UBE2T: variants seen among roughly 807,000 people sequenced by gnomAD.
UBE2T encodes ubiquitin conjugating enzyme E2 T.
Under a neutral mutation model 23.3 loss-of-function variants are expected in UBE2T, and 15 were observed. The ratio of observed to expected loss-of-function variants is 0.64; its 90% CI spans 0.43 to 0.99. The LOEUF is 0.99. UBE2T is among the 50% of genes least tolerant of loss of function. The probability of loss-of-function intolerance (pLI) is 0.00; values close to 1 mark genes in which losing one functional copy is unlikely to be tolerated. For synonymous variants in UBE2T, 67 were observed against 78.4 expected (o/e 0.85, Z 0.77); for missense variants, 197 against 234.9 (o/e 0.84, Z 1.05).
intron 3 of UBE2T, 34 bp downstream of exon 3, chr1:202,334,955 C>T (rs1417250098): frequency 1.3e-6 from 2 of 1,592,000 alleles, no homozygotes; most frequent in Non-Finnish European, 1.7e-6. Context: ...AAATGCACTT[C>T]ACCATGTAGG....
chr1:202,333,169 C>T (rs1435481458), intron 5 of UBE2T, 68 bp downstream of exon 5: 3 of 1,604,712 alleles, frequency 1.9e-6, no homozygotes, highest in African/African-American at 2.7e-5. Context: ...CAGCTATCCT[C>T]ACACAGGGAG....
At position 202,335,912 on chromosome 1, in the gene UBE2T, A is replaced by G. The variant is rs1654872403; in HGVS notation, c.-64-94T>C. On this transcript the variant is annotated intron_variant, in intron 1 of 6. Transcript: ENST00000646651. The surrounding 1 kb of genome is among the most constrained non-coding windows in gnomAD (Gnocchi z 4.0). ...TCAATGTAGTGAGGGTGGGGGACAG[A>G]GTCCTCTTTTTTGTTTTGAGACACA... The G allele has an allele frequency of 3.3e-6, 2 of 609,002 alleles. No individual in the cohort carries two copies. Among genetic ancestry groups the G allele is most frequent in the Non-Finnish European group, 5.7e-6 (2 of 350,902 alleles). 37.7% of individuals were successfully genotyped at this position (609,002 alleles called of 1,614,324 possible).
chr1:202,333,484 C>T lies in UBE2T; in HGVS notation c.251G>A (p.Arg84Lys). ...CAATTTGAGAACATCCAGACAAATC[C>T]TTCCAGCAGAATCAATGTTTGGATG... ...IYHPNIDSAG[R>K]ICLDVLKLPP... The change falls in exon 4 of 7, where the codon AGG becomes AAG. Residue 84 changes from arginine (R) to lysine (K), a missense_variant. Arg to Lys is a conservative substitution (Grantham distance 26). Transcript: ENST00000646651. 6.2e-7 allele frequency: 1 copy of T among 1,614,156 alleles called. No individual in the cohort carries two copies.
intron 1 of UBE2T, among the ~76,000 whole-genome samples, chr1:202,338,810 G>C (rs1654938650): frequency 6.6e-6 from 1 of 151,748 alleles, no homozygotes; most frequent in South Asian, 2.1e-4. Context: ...GGAGACTGAG[G>C]CTGTAGTGAG....
At chr1:202,338,161 A>G (rs188634510) in intron 1 of UBE2T, among the ~76,000 whole-genome samples, 9 of 152,078 alleles carry the variant, frequency 5.9e-5, no homozygotes, top group Non-Finnish European at 8.8e-5. Flanking sequence ...TATTTTTGCT[A>G]TCTTTTCAAA....
intron 1 of UBE2T, among the ~76,000 whole-genome samples, chr1:202,339,640 G>A (rs941400940): frequency 2.1e-5 from 3 of 142,560 alleles, no homozygotes; most frequent in Non-Finnish European, 4.5e-5. Context: ...GTCCAAACAC[G>A]TACTATACAT....
At chr1:202,334,045 T>C (rs982917357) in intron 3 of UBE2T, among the ~76,000 whole-genome samples, 4 of 152,192 alleles carry the variant, frequency 2.6e-5, no homozygotes, top group Non-Finnish European at 5.9e-5. Flanking sequence ...AGTCTATTTT[T>C]AGAACTGATG....
chr1:202,333,699 A>G, intron 3 of UBE2T, 144 bp from the exon 4 acceptor site: 1 of 677,000 alleles, frequency 1.5e-6, no homozygotes, highest in Non-Finnish European at 2.4e-6. Flanking sequence ...CTCTCTTCCT[A>G]AATTTTCACT....
Position 202,335,216 on chromosome 1 carries a change from A to C in UBE2T, c.110-158T>G. On this transcript the variant is annotated intron_variant, in intron 2 of 6. Transcript: ENST00000646651. The surrounding 1 kb of genome is among the most constrained non-coding windows in gnomAD (Gnocchi z 4.0). ...ACAAGTCCTCATGCAACACACCACA[A>C]TGCTAATGTACTCAAAAAGTTAATG... 1 of 616,054 alleles carries C rather than the reference A, an allele frequency of 1.6e-6. No homozygotes were observed. The highest frequency in any genetic ancestry group is 2.8e-6 in the Non-Finnish European group (1 of 353,838). 38.2% of individuals were successfully genotyped at this position (616,054 alleles called of 1,614,324 possible).
chr1:202,338,382 G>A (rs529514443), intron 1 of UBE2T, among the ~76,000 whole-genome samples: 2 of 152,140 alleles, frequency 1.3e-5, no homozygotes, highest in Admixed American at 1.3e-4. Flanking sequence ...ATTAGGCCCA[G>A]GTAATATTGT....
chr1:202,333,862 T>G (rs788789), intron 3 of UBE2T, among the ~76,000 whole-genome samples: 1 of 152,144 alleles, frequency 6.6e-6, no homozygotes. Flanking sequence ...TATTACCCCT[T>G]TGAAAAATTT....
At chr1:202,339,680 C>T (rs1056614853) in intron 1 of UBE2T, among the ~76,000 whole-genome samples, 4 of 148,130 alleles carry the variant, frequency 2.7e-5, no homozygotes, top group Non-Finnish European at 5.9e-5. Flanking sequence ...CTAAACAATA[C>T]AGTGTAACAA....
intron 1 of UBE2T, among the ~76,000 whole-genome samples, chr1:202,338,482 A>G (rs1200487722): frequency 6.6e-6 from 1 of 152,140 alleles, no homozygotes; most frequent in Non-Finnish European, 1.5e-5. Context: ...CAGCCTCTCA[A>G]AGTGCTGGGA....
At chr1:202,334,782 G>T (rs1297893811) in intron 3 of UBE2T, among the ~76,000 whole-genome samples, 1 of 152,210 alleles carries the variant, frequency 6.6e-6, no homozygotes, top group Non-Finnish European at 1.5e-5. Context: ...TTTAGAAAGT[G>T]AGGGGGTCTT....
chr1:202,337,014 G>A (rs1654900409), intron 1 of UBE2T, among the ~76,000 whole-genome samples: 1 of 152,132 alleles, frequency 6.6e-6, no homozygotes. Context: ...TGCGATCTCG[G>A]CTCACTGCAA....
Position 202,335,078 on chromosome 1 carries a change from A to G in UBE2T, c.110-20T>C. ...ATATTTCTTAAAAGAAAAAAGAAAG[A>G]AAAAGTTAAAAGGGAATCAGATCAT... On this transcript the variant is annotated intron_variant, in intron 2 of 6. Transcript: ENST00000646651. This position sits in a 1 kb window ranked among gnomAD's most constrained non-coding sequence, Gnocchi z 4.0. 1 of 1,585,836 alleles carries G rather than the reference A, an allele frequency of 6.3e-7. No homozygotes were observed. The highest frequency in any genetic ancestry group is 8.6e-7 in the Non-Finnish European group (1 of 1,161,762).
rs1473215921 is a variant in UBE2T, at chr1:202,335,575, C to T, written c.109+71G>A. On this transcript the variant is annotated intron_variant, in intron 2 of 6. Transcript: ENST00000646651. The surrounding 1 kb of genome is among the most constrained non-coding windows in gnomAD (Gnocchi z 4.0). ...CTGCTCCTTACTTTAGAAGAATACA[C>T]AAAATGTTTTATTTCAGCACAATCT... is the stretch of plus-strand genomic sequence containing the variant. 12 of 1,477,074 alleles carry T rather than the reference C, an allele frequency of 8.1e-6. No individual in the cohort carries two copies. Among genetic ancestry groups the T allele is most frequent in the Non-Finnish European group, 1.1e-5 (12 of 1,062,054 alleles). 91.5% of individuals were successfully genotyped at this position (1,477,074 alleles called of 1,614,324 possible). A position where few individuals can be genotyped will look rare whatever the true frequency, so the allele number is the denominator to read the frequency against.
chr1:202,332,068 A>G (rs1654764518), intron 6 of UBE2T, 108 bp from the exon 7 acceptor site: 1 of 1,409,726 alleles, frequency 7.1e-7, no homozygotes. Context: ...TGCAAGATTT[A>G]AATACAGTAT....
At chr1:202,336,405 C>G (rs1453909798) in intron 1 of UBE2T, among the ~76,000 whole-genome samples, 6 of 151,980 alleles carry the variant, frequency 3.9e-5, no homozygotes. Flanking sequence ...TCTTATTAAT[C>G]TCTATTCTGA....
Sources: gnomAD v4.1 joint callset for allele counts (sites outside exome capture counted in the v4.1 genomes callset) on GRCh38, gnomAD v4.1.1 for gene constraint, Gnocchi (gnomAD v3.1) non-coding constraint, MANE v1.5 for transcripts, NCBI Gene and HGNC (gene_info 2026-07-23, HGNC 2026-07-21) for gene names.